Variants in SMC6 observed in about 807,000 individuals in gnomAD.
The protein encoded by SMC6 is structural maintenance of chromosomes protein 6.
In SMC6, 79 loss-of-function variants were observed where a neutral mutation model predicts 142.2. The ratio of observed to expected loss-of-function variants is 0.56; its 90% CI spans 0.46 to 0.67. The LOEUF is 0.67. SMC6 is among the 30% of genes least tolerant of loss of function. The pLI is 0.00. For missense variants in SMC6, 1,072 were observed against 1,284.0 expected (o/e 0.83, Z 2.52); for synonymous variants, 411 against 412.4 (o/e 1.00, Z 0.04).
intron 23 of SMC6, 131 bp from the exon 24 acceptor site, chr2:17,683,894 A>G (rs892074299): frequency 2.6e-6 from 2 of 774,326 alleles, no homozygotes; most frequent in Non-Finnish European, 4.3e-6. Context: ...GTAGCAGTCA[A>G]TTTCATAAAT....
intron 23 of SMC6, among the ~76,000 whole-genome samples, chr2:17,689,070 T>C (rs917710158): frequency 6.6e-6 from 1 of 151,968 alleles, no homozygotes; most frequent in Admixed American, 6.6e-5. Flanking sequence ...AGGGAAAAAA[T>C]AGTAAAGCAT....
chr2:17,726,418 G>GT lies in SMC6; in HGVS notation c.594dup (p.Gln199ThrfsTer3), dbSNP rs1302155317. The GT allele has an allele frequency of 1.2e-6, 2 of 1,611,962 alleles. No individual in the cohort carries two copies. Among genetic ancestry groups the GT allele is most frequent in the African/African-American group, 1.3e-5 (1 of 74,794 alleles). ...TATTTGTCTCCTTCATTTTTAGACT[G>GT]TAAGAACTGCTTGCTCATTTCTTGT... On this transcript the variant is annotated frameshift_variant, in exon 8 of 28. Transcript: ENST00000448223. LOFTEE classifies it high-confidence loss of function.
At chr2:17,729,602 T>C (rs778500732) in intron 7 of SMC6, among the ~76,000 whole-genome samples, 1 of 152,200 alleles carries the variant, frequency 6.6e-6, no homozygotes. Flanking sequence ...TTATACAGTA[T>C]ACTGAATGCC....
intron 25 of SMC6, among the ~76,000 whole-genome samples, chr2:17,674,755 A>G (rs1666926564): frequency 6.6e-6 from 1 of 152,148 alleles, no homozygotes; most frequent in African/African-American, 2.4e-5. Flanking sequence ...AATAACTTTT[A>G]TAACCATGAA....
At chr2:17,682,603 A>G (rs1321719064) in intron 24 of SMC6, among the ~76,000 whole-genome samples, 1 of 152,186 alleles carries the variant, frequency 6.6e-6, no homozygotes, top group Non-Finnish European at 1.5e-5. Flanking sequence ...GACAGCTCAC[A>G]CACGACCAGG....
intron 27 of SMC6, 99 bp downstream of exon 27, chr2:17,666,321 G>A (rs1024540594): frequency 2.5e-6 from 2 of 796,216 alleles, no homozygotes; most frequent in African/African-American, 3.5e-5. Context: ...TATTTTCATT[G>A]GTCTTGTATG....
At chr2:17,748,936 G>A (rs986900321) in intron 2 of SMC6, among the ~76,000 whole-genome samples, 4 of 152,296 alleles carry the variant, frequency 2.6e-5, no homozygotes, top group East Asian at 3.9e-4. Flanking sequence ...ACGTGATGAC[G>A]ATGTTTTTTA....
At chr2:17,746,460 T>C (rs973873788) in intron 2 of SMC6, 1 of 152,234 alleles carries the variant, frequency 6.6e-6, no homozygotes, top group African/African-American at 2.4e-5. Flanking sequence ...CCTGAAATTA[T>C]TCCAAAGCAA....
chr2:17,719,848 T>C (rs1669282520), intron 11 of SMC6, among the ~76,000 whole-genome samples: 1 of 152,070 alleles, frequency 6.6e-6, no homozygotes, highest in Non-Finnish European at 1.5e-5. Flanking sequence ...ATTAATGTCA[T>C]AACCCTTAAA....
At chr2:17,678,284 A>G (rs905311215) in intron 25 of SMC6, among the ~76,000 whole-genome samples, 1 of 152,202 alleles carries the variant, frequency 6.6e-6, no homozygotes, top group African/African-American at 2.4e-5. Context: ...TAGAAAGACA[A>G]GGTAAATACT....
chr2:17,734,711 C>G (rs1303900592), intron 5 of SMC6, among the ~76,000 whole-genome samples: 3 of 150,038 alleles, frequency 2.0e-5, no homozygotes, highest in African/African-American at 7.3e-5. Context: ...GCACTGATAT[C>G]CTACTGCTAT....
At chr2:17,744,125 A>G (rs1670615841) in intron 3 of SMC6, among the ~76,000 whole-genome samples, 1 of 152,198 alleles carries the variant, frequency 6.6e-6, no homozygotes, top group South Asian at 2.1e-4. Context: ...GTATGGTAAG[A>G]GGATGTTTGG....
intron 9 of SMC6, among the ~76,000 whole-genome samples, chr2:17,722,031 CT>C (rs1209700782): frequency 6.6e-6 from 1 of 152,122 alleles, no homozygotes; most frequent in Non-Finnish European, 1.5e-5. Context: ...TTCATCCATG[CT>C]TACCAAATTC....
intron 21 of SMC6, 130 bp from the exon 22 acceptor site, chr2:17,696,556 T>C (rs926085403): frequency 3.5e-6 from 3 of 861,294 alleles, no homozygotes; most frequent in African/African-American, 1.8e-5. Context: ...TATATCCATA[T>C]GTGTCTGAAT....
At chr2:17,741,813 T>A in intron 3 of SMC6, 84 bp from the exon 4 acceptor site, 2 of 810,410 alleles carry the variant, frequency 2.5e-6, no homozygotes, top group Non-Finnish European at 3.8e-6. Context: ...TCAGAAAGAC[T>A]AGCACCATCA....
At chr2:17,688,067 T>G (rs1667537837) in intron 23 of SMC6, among the ~76,000 whole-genome samples, 1 of 152,156 alleles carries the variant, frequency 6.6e-6, no homozygotes, top group African/African-American at 2.4e-5. Context: ...AAAAGCCCTT[T>G]GTGGGACTGG....
chr2:17,739,855 C>CACACAT (rs1437660424), intron 4 of SMC6, among the ~76,000 whole-genome samples: 1 of 143,410 alleles, frequency 7.0e-6, no homozygotes, highest in African/African-American at 2.7e-5. Context: ...GACACACACA[C>CACACAT]ACACACACAC....
intron 3 of SMC6, 120 bp downstream of exon 3, chr2:17,745,707 A>G: frequency 9.3e-7 from 1 of 1,071,768 alleles, no homozygotes. Flanking sequence ...AACAGATTTT[A>G]CCTCAACTTT....
At chr2:17,723,489 T>C (rs562844310) in intron 9 of SMC6, among the ~76,000 whole-genome samples, 3 of 152,340 alleles carry the variant, frequency 2.0e-5, no homozygotes, top group South Asian at 4.1e-4. Context: ...ACATGCTTTC[T>C]TGCCCCTGAG....
Sources: allele counts gnomAD v4.1 joint callset (sites outside exome capture counted in the v4.1 genomes callset), GRCh38; gene constraint gnomAD v4.1.1; transcripts MANE v1.5; gene names NCBI Gene and HGNC (gene_info 2026-07-23, HGNC 2026-07-21).